Variants in SFMBT2 observed in about 807,000 individuals in gnomAD.
The protein encoded by SFMBT2 is scm-like with four MBT domains protein 2.
A neutral mutation model predicts 110.1 loss-of-function variants in SFMBT2; 38 were observed. That is an observed-to-expected ratio of 0.35 (90% confidence interval 0.27 to 0.45). The LOEUF (loss-of-function observed/expected upper bound fraction) is 0.45, where lower values mean the gene tolerates loss of function less well. Ranked by LOEUF, SFMBT2 falls within the 20% of genes least tolerant of loss-of-function variation. SFMBT2 has a pLI of 1.00. For synonymous variants in SFMBT2, 425 were observed against 425.4 expected, an observed-to-expected ratio of 1.00 and a Z score of 0.01; for missense variants, 1,011 against 1,094.9, an observed-to-expected ratio of 0.92 and a Z score of 1.08.
At chr10:7,283,147 C>A (rs1325843515) in intron 6 of SFMBT2, among the ~76,000 whole-genome samples, 18 of 152,102 alleles carry the variant, frequency 1.2e-4, no homozygotes, top group Non-Finnish European at 4.4e-5. Flanking sequence ...AGAATCAAAA[C>A]AAACAATGTA....
intron 7 of SFMBT2, among the ~76,000 whole-genome samples, chr10:7,252,722 A>C (rs1187172158): frequency 6.6e-6 from 1 of 152,116 alleles, no homozygotes; most frequent in African/African-American, 2.4e-5. Flanking sequence ...GATCTCCTAC[A>C]ACTTAAATTA....
Position 7,397,143 on chromosome 10 carries a change from A to G in SFMBT2, c.-52+13718T>C, listed in dbSNP as rs576762867. Among the ~76,000 whole-genome samples the G allele has an allele frequency of 6.6e-5, 10 of 152,374 alleles. No homozygotes were observed. In the South Asian group the frequency reaches 2.1e-3, roughly 32 times the overall value. On this transcript the variant is annotated intron_variant, in intron 1 of 20. Coordinates refer to ENST00000397167, the MANE Select transcript of SFMBT2 (RefSeq NM_001387889.1). Reference sequence around the variant, plus strand: ...GTGAAACTTTAAACTGTGATAACAAAGCTACATAAGCATTAGAAATCATTC... The same window carrying G: ...GTGAAACTTTAAACTGTGATAACAAGGCTACATAAGCATTAGAAATCATTC...
chr10:7,175,083 C>T (rs767641436), intron 17 of SFMBT2, among the ~76,000 whole-genome samples: 3 of 152,278 alleles, frequency 2.0e-5, no homozygotes, highest in Non-Finnish European at 4.4e-5. Flanking sequence ...TCACAAGTGA[C>T]TGTGGCTCAC....
intron 4 of SFMBT2, among the ~76,000 whole-genome samples, chr10:7,298,380 G>A (rs1842465684): frequency 6.6e-6 from 1 of 152,088 alleles, no homozygotes; most frequent in African/African-American, 2.4e-5. Flanking sequence ...TCTCCATCCT[G>A]GGTCACCACA....
intron 15 of SFMBT2, among the ~76,000 whole-genome samples, chr10:7,190,847 T>G (rs1361071314): frequency 6.6e-6 from 1 of 152,138 alleles, no homozygotes; most frequent in Non-Finnish European, 1.5e-5. Context: ...TCACCTTGAA[T>G]TGTAGCTCCC....
Position 7,313,083 on chromosome 10 carries a change from C to T in SFMBT2, c.437-27129G>A, listed in dbSNP as rs548855056. Among the ~76,000 whole-genome samples the T allele has an allele frequency of 1.7e-3, 263 of 152,014 alleles. 2 individuals carry two copies. Among genetic ancestry groups the T allele is most frequent in the African/African-American group, 6.0e-3 (247 of 41,496 alleles). On this transcript the variant is annotated intron_variant, in intron 4 of 20. Transcript: ENST00000397167. ...TTATCCTCATAGCATCCACCACCTC[C>T]GTGCAAGATGCTGAGCCCAGAGCCT...
intron 11 of SFMBT2, among the ~76,000 whole-genome samples, chr10:7,210,423 G>C (rs570736757): frequency 2.6e-5 from 4 of 152,264 alleles, no homozygotes; most frequent in African/African-American, 9.6e-5. Context: ...AGGCAGGAGG[G>C]ACCCAGGGCG....
In SFMBT2 at chr10:7,171,827, C is replaced by T. The variant is rs912897379; in HGVS notation, c.2415+68G>A. The T allele has an allele frequency of 7.4e-7, 1 of 1,351,226 alleles. No individual in the cohort carries two copies. The highest frequency in any genetic ancestry group is 1.5e-5 in the African/African-American group (1 of 65,400). 83.7% of individuals were successfully genotyped at this position (1,351,226 alleles called of 1,614,324 possible). ...AAACAGGTTTCCCCACATCGTGGCC[C>T]TGAAGTGTAACAGGTGTGCTTCTTC... is the stretch of plus-strand genomic sequence containing the variant. On this transcript the variant is annotated intron_variant, in intron 19 of 20. Coordinates refer to ENST00000397167, the MANE Select transcript of SFMBT2 (RefSeq NM_001387889.1). This position sits in a 1 kb window ranked among gnomAD's most constrained non-coding sequence, Gnocchi z 4.9.
At position 7,410,949 on chromosome 10, in the gene SFMBT2, C is replaced by A. The variant is rs922823241; in HGVS notation, c.-140G>T. Among the ~76,000 whole-genome samples, 1 of 151,636 alleles carries A rather than the reference C, an allele frequency of 6.6e-6. No individual in the cohort carries two copies. The highest frequency in any genetic ancestry group is 1.5e-5 in the Non-Finnish European group (1 of 67,854). ...GGCCTCGCTCGCTTGCTCGCTCGCC[C>A]GCCCTTGCCCGCTCGCTCCCCGCCC... is the stretch of plus-strand genomic sequence containing the variant. On this transcript the variant is annotated 5_prime_UTR_variant, in exon 1 of 21. Coordinates refer to ENST00000397167, the MANE Select transcript of SFMBT2 (RefSeq NM_001387889.1).
chr10:7,184,242 A>G (rs992116729), intron 16 of SFMBT2, among the ~76,000 whole-genome samples: 1 of 152,184 alleles, frequency 6.6e-6, no homozygotes, highest in Non-Finnish European at 1.5e-5. Context: ...TGTAGCTCCC[A>G]TAATTCTCAA....
intron 1 of SFMBT2, among the ~76,000 whole-genome samples, chr10:7,385,532 G>A (rs566027486): frequency 3.6e-4 from 55 of 152,320 alleles, no homozygotes; most frequent in African/African-American, 1.3e-3. Context: ...ATGCCAGAAT[G>A]TATCCAGGAG....
At chr10:7,169,307 G>A (rs961671523) in intron 20 of SFMBT2, among the ~76,000 whole-genome samples, 1 of 152,168 alleles carries the variant, frequency 6.6e-6, no homozygotes, top group African/African-American at 2.4e-5. Context: ...GTCTGCAGAA[G>A]GTTCTAGTGG....
chr10:7,333,338 A>G (rs1272777254), intron 4 of SFMBT2, among the ~76,000 whole-genome samples: 1 of 151,964 alleles, frequency 6.6e-6, no homozygotes, highest in Non-Finnish European at 1.5e-5. Flanking sequence ...AATGCCTGGC[A>G]TATTACAGGC....
chr10:7,185,206 A>G (rs1036127629), intron 16 of SFMBT2, among the ~76,000 whole-genome samples: 7 of 152,226 alleles, frequency 4.6e-5, no homozygotes, highest in African/African-American at 1.7e-4. Context: ...ACACACATAC[A>G]CAGAAATGCA....
intron 11 of SFMBT2, chr10:7,207,025 A>G (rs912738922): frequency 8.2e-5 from 44 of 539,594 alleles, no homozygotes; most frequent in Non-Finnish European, 9.2e-5. Context: ...TAGGAGTTCA[A>G]GATCAGCCTC....
intron 11 of SFMBT2, 37 bp downstream of exon 11, chr10:7,220,374 T>G (rs375892598): frequency 1.6e-5 from 26 of 1,598,840 alleles, no homozygotes; most frequent in South Asian, 7.8e-5. Context: ...AAACTCTACA[T>G]TCCCCCCAGC....
chr10:7,385,815 C>T (rs2255260), intron 1 of SFMBT2, among the ~76,000 whole-genome samples: 66,717 of 151,874 alleles, frequency 0.44, 15,059 homozygotes, highest in South Asian at 0.67. Context: ...CTGGCTAACA[C>T]GGTGAAACCC....
intron 1 of SFMBT2, among the ~76,000 whole-genome samples, chr10:7,383,920 T>A (rs997646947): frequency 3.3e-5 from 5 of 152,070 alleles, no homozygotes; most frequent in South Asian, 2.1e-4. Flanking sequence ...TGTTTTAAAA[T>A]CACAGAAAGG....
rs188727531 is a variant in SFMBT2 at position 7,211,373 on chromosome 10, T to A, written c.1331-5445A>T. 4.6e-4 allele frequency among the ~76,000 whole-genome samples: 70 copies of A among 152,136 alleles called. 1 individual carries two copies. Among genetic ancestry groups the A allele is most frequent in the Non-Finnish European group, 1.0e-3 (68 of 67,964 alleles). ...CAGTGAGAATGTGCTCACCGGGAAG[T>A]CACATGCACCACAATGGCAGCTGGA... On this transcript the variant is annotated intron_variant, in intron 11 of 20. Coordinates refer to ENST00000397167, the MANE Select transcript of SFMBT2 (RefSeq NM_001387889.1).
Sources: allele counts gnomAD v4.1 joint callset (sites outside exome capture counted in the v4.1 genomes callset), GRCh38; gene constraint gnomAD v4.1.1; non-coding constraint Gnocchi (gnomAD v3.1); transcripts MANE v1.5; gene names NCBI Gene and HGNC (gene_info 2026-07-23, HGNC 2026-07-21).